NEK10: variants seen among roughly 807,000 people sequenced by gnomAD.
NEK10 encodes the protein serine/threonine-protein kinase Nek10.
A neutral mutation model predicts 159.8 loss-of-function variants in NEK10; 122 were observed. The observed-to-expected ratio is 0.76, with a 90% CI of 0.66 to 0.89. The LOEUF (loss-of-function observed/expected upper bound fraction) is 0.89, where lower values mean the gene tolerates loss of function less well. NEK10 is among the 40% of genes least tolerant of loss of function. The pLI is 0.00. For synonymous variants in NEK10, 466 were observed against 457.1 expected, an observed-to-expected ratio of 1.02 and a Z score of -0.25; for missense variants, 1,342 against 1,323.1, an observed-to-expected ratio of 1.01 and a Z score of -0.22.
At chr3:27,223,434 G>C (rs1194272721) in intron 23 of NEK10, among the ~76,000 whole-genome samples, 2 of 151,980 alleles carry the variant, frequency 1.3e-5, no homozygotes, top group Non-Finnish European at 2.9e-5. Flanking sequence ...TTGTCCATCT[G>C]CACATCCAAG....
chr3:27,293,531 G>T lies in NEK10; in HGVS notation c.1373+57C>A. 3.3e-6 allele frequency: 3 copies of T among 903,492 alleles called. No homozygotes were observed. The Admixed American group carries it at 7.3e-5, about 22-fold the overall frequency. 56.0% of individuals were successfully genotyped at this position (903,492 alleles called of 1,614,324 possible). On this transcript the variant is annotated intron_variant, in intron 16 of 35. Coordinates refer to ENST00000691995, the MANE Select transcript of NEK10 (RefSeq NM_001394966.1). ...CATCTAAGCCAAGTATGTGAAAACA[G>T]TTCAATCTAATGATCTCCTAAACCT...
chr3:27,286,470 C>T (rs2042617365), intron 20 of NEK10, among the ~76,000 whole-genome samples: 1 of 150,560 alleles, frequency 6.6e-6, no homozygotes, highest in Admixed American at 6.7e-5. Context: ...CAACCTCTGC[C>T]TCCAGGGTTC....
At chr3:27,316,404 A>G (rs1178818881) in intron 6 of NEK10, among the ~76,000 whole-genome samples, 1 of 152,176 alleles carries the variant, frequency 6.6e-6, no homozygotes, top group African/African-American at 2.4e-5. Flanking sequence ...GCACAATGTC[A>G]TAATTAACTA....
intron 32 of NEK10, among the ~76,000 whole-genome samples, chr3:27,123,048 T>C: frequency 6.6e-6 from 1 of 152,216 alleles, no homozygotes; most frequent in East Asian, 1.9e-4. Flanking sequence ...AACTACTTTT[T>C]GCAGTTCAGT....
rs1218090290 is a variant in NEK10 at position 27,107,788 on chromosome 3, GCAATGATGA to G, written c.*3475_*3483del. 6.6e-6 allele frequency among the ~76,000 whole-genome samples: 1 copy of G among 152,100 alleles called. No homozygotes were observed. The highest frequency in any genetic ancestry group is 1.5e-5 in the Non-Finnish European group (1 of 68,006). ...AAAACCATCATAGAAAAAGTAAAAG[GCAATGATGA>G]AAGTTCCTTAAAAAGAAGTTTTTCC... is the stretch of plus-strand genomic sequence containing the variant. On this transcript the variant is annotated 3_prime_UTR_variant, in exon 36 of 36. Coordinates refer to ENST00000691995, the MANE Select transcript of NEK10 (RefSeq NM_001394966.1).
intron 30 of NEK10, among the ~76,000 whole-genome samples, chr3:27,153,204 C>T (rs1466405136): frequency 6.6e-6 from 1 of 151,672 alleles, no homozygotes; most frequent in Non-Finnish European, 1.5e-5. Flanking sequence ...CCTATAGTCT[C>T]AGCTACTCGG....
At chr3:27,171,744 G>T in intron 29 of NEK10, 75 bp downstream of exon 29, 2 of 1,494,276 alleles carry the variant, frequency 1.3e-6, no homozygotes, top group South Asian at 1.2e-5. Context: ...CTGGCTATCA[G>T]GTTTCAATTC....
rs151180068 is a variant in NEK10 at position 27,147,080 on chromosome 3, T to C, written c.2870-5498A>G. On this transcript the variant is annotated intron_variant, in intron 30 of 35. Transcript: ENST00000691995. ...GTCAGAGGCCTGGCTTGCATTGCAA[T>C]ATGGTTTTCAGAAAGTCACAACTTC... Among the ~76,000 whole-genome samples the C allele has an allele frequency of 3.3e-3, 498 of 152,272 alleles. 2 individuals carry two copies. Among genetic ancestry groups the C allele is most frequent in the African/African-American group, 0.012 (480 of 41,546 alleles).
At chr3:27,229,048 G>A (rs144048552) in intron 23 of NEK10, among the ~76,000 whole-genome samples, 85 of 152,214 alleles carry the variant, frequency 5.6e-4, no homozygotes, top group African/African-American at 1.8e-3. Flanking sequence ...GGCCTGAAGC[G>A]TGAATCATCA....
At chr3:27,301,670 CAT>C (rs1274729737) in intron 13 of NEK10, 24 bp downstream of exon 13, 1 of 1,449,048 alleles carries the variant, frequency 6.9e-7, no homozygotes, top group Non-Finnish European at 9.5e-7. Context: ...TAAATTATAG[CAT>C]ATCAAATAAT....
intron 33 of NEK10, among the ~76,000 whole-genome samples, chr3:27,118,649 TGA>T (rs567699257): frequency 2.4e-3 from 360 of 152,328 alleles, no homozygotes; most frequent in African/African-American, 8.1e-3. Flanking sequence ...CTCAGGTTTT[TGA>T]GAGATTTTTA....
intron 35 of NEK10, among the ~76,000 whole-genome samples, chr3:27,111,572 T>C (rs978155257): frequency 1.1e-4 from 17 of 152,202 alleles, no homozygotes; most frequent in Admixed American, 2.0e-4. Context: ...CAAATATTCA[T>C]TCAAAATAGC....
intron 30 of NEK10, among the ~76,000 whole-genome samples, chr3:27,145,219 C>T (rs1230185750): frequency 2.6e-5 from 4 of 151,786 alleles, no homozygotes; most frequent in Non-Finnish European, 4.4e-5. Context: ...AAAGAGACAT[C>T]GGTGAGGCTG....
At chr3:27,158,899 T>C (rs555583894) in intron 30 of NEK10, among the ~76,000 whole-genome samples, 1 of 152,360 alleles carries the variant, frequency 6.6e-6, no homozygotes, top group East Asian at 1.9e-4. Context: ...CACAAATATA[T>C]ATCATTTCCC....
chr3:27,142,383 A>G (rs796638584), intron 30 of NEK10, among the ~76,000 whole-genome samples: 2 of 152,298 alleles, frequency 1.3e-5, no homozygotes, highest in East Asian at 3.9e-4. Flanking sequence ...TAAAACAAAA[A>G]GAGACTTCAG....
At chr3:27,264,236 A>G (rs530326280) in intron 22 of NEK10, among the ~76,000 whole-genome samples, 11 of 152,284 alleles carry the variant, frequency 7.2e-5, no homozygotes, top group African/African-American at 2.4e-4. Flanking sequence ...ATATATACCA[A>G]TTCTACACAA....
intron 26 of NEK10, among the ~76,000 whole-genome samples, chr3:27,182,531 T>C (rs989654603): frequency 3.3e-5 from 5 of 152,110 alleles, no homozygotes; most frequent in Admixed American, 2.0e-4. Context: ...TAATGAATAG[T>C]ATGGAGTTTC....
chr3:27,348,647 C>T (rs1292224057), intron 3 of NEK10, among the ~76,000 whole-genome samples: 1 of 152,174 alleles, frequency 6.6e-6, no homozygotes, highest in Admixed American at 6.5e-5. Context: ...CTGACAAGCA[C>T]TTGCCCAGGC....
chr3:27,202,569 T>C lies in NEK10; in HGVS notation c.2091-12A>G. 1 of 1,592,148 alleles carries C rather than the reference T, an allele frequency of 6.3e-7. No individual in the cohort carries two copies. Among genetic ancestry groups the C allele is most frequent in the East Asian group, 2.3e-5 (1 of 43,994 alleles). On this transcript the variant is annotated splice_polypyrimidine_tract_variant and intron_variant, in intron 23 of 35. Transcript: ENST00000691995. ...TCAGTACCTCGGGGCTGAAGTAAAA[T>C]AAGGACATTAATACATGCTAAGGAA...
Sources: gnomAD v4.1 joint callset for allele counts (sites outside exome capture counted in the v4.1 genomes callset) on GRCh38, gnomAD v4.1.1 for gene constraint, MANE v1.5 for transcripts, NCBI Gene and HGNC (gene_info 2026-07-23, HGNC 2026-07-21) for gene names.